Variants in LRBA observed in about 807,000 individuals in gnomAD.
LRBA encodes lipopolysaccharide-responsive and beige-like anchor protein.
LRBA carries 176 observed loss-of-function variants against 330.0 expected under a neutral mutation model. The observed-to-expected ratio is 0.53, with a 90% CI of 0.47 to 0.60. LRBA has a LOEUF of 0.60. Ranked by LOEUF, LRBA falls within the 20% of genes least tolerant of loss-of-function variation. The probability of loss-of-function intolerance (pLI) is 0.00; values close to 1 mark genes in which losing one functional copy is unlikely to be tolerated. For missense variants in LRBA, 3,259 were observed against 3,444.8 expected, an observed-to-expected ratio of 0.95 and a Z score of 1.35; for synonymous variants, 1,230 against 1,193.0, an observed-to-expected ratio of 1.03 and a Z score of -0.64.
intron 44 of LRBA, among the ~76,000 whole-genome samples, chr4:150,461,425 C>T (rs952979654): frequency 6.6e-5 from 10 of 151,812 alleles, no homozygotes; most frequent in Admixed American, 3.3e-4. Flanking sequence ...TGTTATGCTA[C>T]GGTATCCCAT....
At chr4:150,841,728 C>G (rs1421460236) in intron 28 of LRBA, among the ~76,000 whole-genome samples, 4 of 152,046 alleles carry the variant, frequency 2.6e-5, no homozygotes, top group African/African-American at 4.8e-5. Flanking sequence ...CCTGGGCTCA[C>G]TGCAAGCTCC....
At chr4:150,917,273 T>C (rs1667573037) in intron 5 of LRBA, among the ~76,000 whole-genome samples, 1 of 149,246 alleles carries the variant, frequency 6.7e-6, no homozygotes, top group Admixed American at 6.6e-5. Context: ...GTTAATTAAA[T>C]GAAAAAAAAA....
intron 47 of LRBA, among the ~76,000 whole-genome samples, chr4:150,389,949 A>G (rs1743691446): frequency 7.0e-6 from 1 of 143,230 alleles, no homozygotes; most frequent in African/African-American, 2.6e-5. Context: ...GTGGATGAGA[A>G]GGAACGGAGT....
intron 49 of LRBA, among the ~76,000 whole-genome samples, chr4:150,324,349 G>C (rs1354061723): frequency 6.6e-6 from 1 of 152,124 alleles, no homozygotes; most frequent in Non-Finnish European, 1.5e-5. Flanking sequence ...ATCTTCCATT[G>C]TTCTTGCTAA....
At chr4:150,548,377 T>C (rs2152240264) in intron 40 of LRBA, among the ~76,000 whole-genome samples, 1 of 152,278 alleles carries the variant, frequency 6.6e-6, no homozygotes, top group South Asian at 2.1e-4. Flanking sequence ...ATTCTCTTAC[T>C]GAATTAAATA....
At chr4:150,677,903 C>A (rs1024108944) in intron 37 of LRBA, among the ~76,000 whole-genome samples, 1 of 151,956 alleles carries the variant, frequency 6.6e-6, no homozygotes, top group Non-Finnish European at 1.5e-5. Flanking sequence ...TAGTACATCA[C>A]AAATATACAA....
At chr4:150,759,127 G>A (rs1383532833) in intron 35 of LRBA, among the ~76,000 whole-genome samples, 1 of 152,074 alleles carries the variant, frequency 6.6e-6, no homozygotes, top group Non-Finnish European at 1.5e-5. Context: ...TGTTGCCCAG[G>A]CTGGTTTTGA....
chr4:151,004,278 A>T (rs1165844361), intron 2 of LRBA, among the ~76,000 whole-genome samples: 1 of 152,096 alleles, frequency 6.6e-6, no homozygotes, highest in East Asian at 1.9e-4. Context: ...CTCATGATCC[A>T]CCAGCTTCAG....
intron 13 of LRBA, among the ~76,000 whole-genome samples, chr4:150,902,659 C>T (rs563237566): frequency 7.3e-4 from 111 of 152,318 alleles, no homozygotes; most frequent in African/African-American, 2.6e-3. Flanking sequence ...TACGCTCAGG[C>T]CTGCTCCCAC....
chr4:150,676,365 A>G (rs1782559479), intron 37 of LRBA, among the ~76,000 whole-genome samples: 1 of 152,152 alleles, frequency 6.6e-6, no homozygotes, highest in South Asian at 2.1e-4. Flanking sequence ...TATTTCCCCT[A>G]TTAGAGAAAA....
intron 36 of LRBA, among the ~76,000 whole-genome samples, chr4:150,727,067 G>GT (rs34671398): frequency 0.61 from 48,460 of 79,686 alleles, 17,061 homozygotes; most frequent in Non-Finnish European, 0.71. Context: ...ACATTTCGTT[G>GT]TTTTTTTTTT....
At chr4:150,677,727 C>T (rs1339172473) in intron 37 of LRBA, among the ~76,000 whole-genome samples, 10 of 151,416 alleles carry the variant, frequency 6.6e-5, no homozygotes, top group African/African-American at 2.4e-4. Context: ...TTACTTGAGC[C>T]CAGGAGTTCA....
chr4:150,733,671 T>G (rs779850806), intron 36 of LRBA, among the ~76,000 whole-genome samples: 2 of 152,046 alleles, frequency 1.3e-5, no homozygotes, highest in African/African-American at 4.8e-5. Context: ...TAATAAAATT[T>G]TGTAGCTTCA....
rs370500826 is a variant in LRBA at position 150,329,964 on chromosome 4, T to G, written c.7363-4066A>C. Reference sequence around the variant, plus strand: ...ATTATTATAACAGTCTCTTTGCTGGTTTTCCCCCTCTATTCAGTTTCTGCC... The same window carrying G: ...ATTATTATAACAGTCTCTTTGCTGGGTTTCCCCCTCTATTCAGTTTCTGCC... On this transcript the variant is annotated intron_variant, in intron 48 of 56. Coordinates refer to ENST00000651943, the MANE Select transcript of LRBA (RefSeq NM_001364905.1). 2.0e-4 allele frequency among the ~76,000 whole-genome samples: 31 copies of G among 152,212 alleles called. No individual in the cohort carries two copies. The East Asian group carries it at 5.4e-3, about 27-fold the overall frequency.
chr4:150,281,278 T>C (rs1052604845), intron 55 of LRBA, among the ~76,000 whole-genome samples: 8 of 152,016 alleles, frequency 5.3e-5, no homozygotes, highest in Non-Finnish European at 5.9e-5. Context: ...TATGGGAAGG[T>C]AGGGAAAAAT....
In LRBA at chr4:150,406,023, C is replaced by A. The variant is rs575952437; in HGVS notation, c.7194+9415G>T. Among the ~76,000 whole-genome samples, 8 of 152,216 alleles carry A rather than the reference C, an allele frequency of 5.3e-5. No individual in the cohort carries two copies. In the Middle Eastern group the frequency reaches 0.01, roughly 194 times the overall value. ...TGAGCCGTGATTGTACCACTACACT[C>A]TAGCCTGGGTGACAGAGTGAGATTC... On this transcript the variant is annotated intron_variant, in intron 47 of 56. Transcript: ENST00000651943.
chr4:150,868,946 AT>A (rs774067820), intron 20 of LRBA, among the ~76,000 whole-genome samples: 15 of 152,224 alleles, frequency 9.9e-5, no homozygotes, highest in Admixed American at 1.3e-4. Context: ...TCAAAAAAAA[AT>A]AATGAAATAA....
chr4:150,732,807 A>C (rs1006443111), intron 36 of LRBA, among the ~76,000 whole-genome samples: 1 of 152,044 alleles, frequency 6.6e-6, no homozygotes, highest in African/African-American at 2.4e-5. Context: ...AAATTCACAC[A>C]TATGCCCAAG....
intron 55 of LRBA, among the ~76,000 whole-genome samples, chr4:150,280,364 C>T (rs1346904409): frequency 1.3e-5 from 2 of 152,210 alleles, no homozygotes; most frequent in East Asian, 1.9e-4. Flanking sequence ...TAGCAGGCCA[C>T]AGCAATCTGC....
Sources: allele counts gnomAD v4.1 joint callset (sites outside exome capture counted in the v4.1 genomes callset), GRCh38; gene constraint gnomAD v4.1.1; transcripts MANE v1.5; gene names NCBI Gene and HGNC (gene_info 2026-07-23, HGNC 2026-07-21).